Variants in CCSER2 observed in about 807,000 individuals in gnomAD.
CCSER2 encodes the protein coiled-coil serine rich protein 2, also known as serine-rich coiled-coil domain-containing protein 2.
A neutral mutation model predicts 92.3 loss-of-function variants in CCSER2; 46 were observed. That is an observed-to-expected ratio of 0.50 (90% CI 0.39 to 0.64). CCSER2 has a LOEUF of 0.64. CCSER2 is among the 30% of genes least tolerant of loss of function. CCSER2 has a pLI of 0.00. For missense variants in CCSER2, 1,244 were observed against 1,238.9 expected (o/e 1.00, Z -0.06); for synonymous variants, 433 against 431.4 (o/e 1.00, Z -0.04).
chr10:84,363,596 T>C (rs1238814311), intron 1 of CCSER2, among the ~76,000 whole-genome samples: 1 of 152,130 alleles, frequency 6.6e-6, no homozygotes, highest in Non-Finnish European at 1.5e-5. Flanking sequence ...TTTGAAAAAC[T>C]AAAAAAAGAC....
In CCSER2 at chr10:84,516,936, A is replaced by G. The variant is rs1162352724; in HGVS notation, c.*2669A>G. ...CCTGCAGTTTTCATTAAAAACTGCA[A>G]GAATATCATGCTTGTCTGCTTCTTA... On this transcript the variant is annotated 3_prime_UTR_variant, in exon 10 of 10. Transcript: ENST00000372088. The G allele has an allele frequency of 1.3e-5, 2 of 152,218 alleles. No individual in the cohort carries two copies. The highest frequency in any genetic ancestry group is 3.8e-4 in the East Asian group (2 of 5,200). The allele number at this position is 152,218 out of a possible 1,614,324, so 9.4% of individuals were successfully genotyped here. A position where few individuals can be genotyped will look rare whatever the true frequency, so the allele number is the denominator to read the frequency against.
At chr10:84,339,961 C>T (rs895592983) in intron 1 of CCSER2, among the ~76,000 whole-genome samples, 1 of 152,170 alleles carries the variant, frequency 6.6e-6, no homozygotes, top group Non-Finnish European at 1.5e-5. Flanking sequence ...CCTGACTCAG[C>T]TTCCCGAGTA....
intron 9 of CCSER2, among the ~76,000 whole-genome samples, chr10:84,495,266 T>G (rs1848388655): frequency 6.6e-6 from 1 of 152,042 alleles, no homozygotes; most frequent in Non-Finnish European, 1.5e-5. Flanking sequence ...TTTGGACATA[T>G]TCTTGTCATC....
At chr10:84,505,422 C>G (rs1848988787) in intron 9 of CCSER2, among the ~76,000 whole-genome samples, 1 of 152,046 alleles carries the variant, frequency 6.6e-6, no homozygotes, top group African/African-American at 2.4e-5. Context: ...GTTGAATTGT[C>G]AAACATGCTC....
intron 1 of CCSER2, among the ~76,000 whole-genome samples, chr10:84,360,100 A>C (rs918260310): frequency 6.6e-6 from 1 of 152,170 alleles, no homozygotes. Context: ...GGTGTGAGCC[A>C]CTGTGCCTGG....
At chr10:84,354,159 A>G (rs1270682758) in intron 1 of CCSER2, among the ~76,000 whole-genome samples, 14 of 152,034 alleles carry the variant, frequency 9.2e-5, no homozygotes, top group Non-Finnish European at 1.8e-4. Flanking sequence ...TGTTTGCACT[A>G]CTTCACTCCT....
rs869280119 is a variant in CCSER2 at position 84,441,736 on chromosome 10, G to GTTTTTT, written c.2064+3064_2064+3069dup. Among the ~76,000 whole-genome samples the GTTTTTT allele has an allele frequency of 6.0e-4, 26 of 43,634 alleles. 3 individuals are homozygous for GTTTTTT. The highest frequency in any genetic ancestry group is 1.2e-3 in the East Asian group (1 of 866). 28.6% of individuals were successfully genotyped at this position (43,634 alleles called of 152,430 possible). A position where few individuals can be genotyped will look rare whatever the true frequency, so the allele number is the denominator to read the frequency against. On this transcript the variant is annotated intron_variant, in intron 6 of 9. Coordinates refer to ENST00000372088, the MANE Select transcript of CCSER2 (RefSeq NM_001284240.2). ...GAATAAAGTAGAAGACTGGGAAAAT[G>GTTTTTT]TTTTTTTTTTTTTTTTTTTTTTTTT...
At chr10:84,383,631 T>C (rs1841036547) in intron 3 of CCSER2, among the ~76,000 whole-genome samples, 1 of 152,206 alleles carries the variant, frequency 6.6e-6, no homozygotes, top group South Asian at 2.1e-4. Context: ...TTCTTTCTAA[T>C]GTGTATTCAC....
At chr10:84,500,746 G>A (rs898763978) in intron 9 of CCSER2, among the ~76,000 whole-genome samples, 34 of 152,264 alleles carry the variant, frequency 2.2e-4, no homozygotes, top group African/African-American at 8.2e-4. Flanking sequence ...TGTAAATACA[G>A]TCAATCAGAG....
At chr10:84,338,471 A>G (rs568367121) in intron 1 of CCSER2, among the ~76,000 whole-genome samples, 2 of 152,256 alleles carry the variant, frequency 1.3e-5, no homozygotes, top group East Asian at 3.9e-4. Flanking sequence ...TGTAGTTAAC[A>G]AAATGTTTCA....
chr10:84,474,100 T>G (rs745636545), intron 8 of CCSER2, among the ~76,000 whole-genome samples: 1 of 152,242 alleles, frequency 6.6e-6, no homozygotes, highest in Non-Finnish European at 1.5e-5. Context: ...AATGCCTGTT[T>G]ATCTTTACTA....
In CCSER2 at chr10:84,515,438, TG is replaced by T. The variant is rs1849564995; in HGVS notation, c.*1172del. On this transcript the variant is annotated 3_prime_UTR_variant, in exon 10 of 10. Coordinates refer to ENST00000372088, the MANE Select transcript of CCSER2 (RefSeq NM_001284240.2). ...CTAGGTTTCCCTTTTCTGTGTTTTT[TG>T]TTTTTTTCTGTTTGTTTTTTGAGAC... 2 of 152,126 alleles carry T rather than the reference TG, an allele frequency of 1.3e-5. No homozygotes were observed. Among genetic ancestry groups the T allele is most frequent in the South Asian group, 4.1e-4 (2 of 4,822 alleles). 9.4% of individuals were successfully genotyped at this position (152,126 alleles called of 1,614,324 possible).
At chr10:84,390,100 A>T (rs1012463169) in intron 3 of CCSER2, among the ~76,000 whole-genome samples, 1 of 152,116 alleles carries the variant, frequency 6.6e-6, no homozygotes. Context: ...ACTTCCACAC[A>T]CATGTATCAA....
At position 84,513,624 on chromosome 10, in the gene CCSER2, A is replaced by G. The variant is rs1264834374; in HGVS notation, c.2501A>G (p.Tyr834Cys). 5.0e-6 allele frequency: 8 copies of G among 1,606,420 alleles called. No homozygotes were observed. The highest frequency in any genetic ancestry group is 1.3e-5 in the African/African-American group (1 of 74,886). Residue 834 changes from tyrosine (Y) to cysteine (C), a missense_variant, in exon 10 of 10, where the codon TAT (tyrosine) becomes TGT (cysteine). Transcript: ENST00000372088. ...CACGTCTTGCACCAAGAAAGCAACT[A>G]TGGTTTGGAAGAGCAGCCTTTTTCA... is the stretch of plus-strand genomic sequence containing the variant. The part of the protein sequence containing the change: ...FTHVLHQESN[Y>C]GLEEQPFSSG...
intron 8 of CCSER2, among the ~76,000 whole-genome samples, chr10:84,476,484 A>G (rs1181647472): frequency 1.1e-4 from 12 of 112,662 alleles, no homozygotes; most frequent in African/African-American, 4.3e-4. Flanking sequence ...TCCCTCTGTC[A>G]CCCAGGCTGG....
intron 1 of CCSER2, among the ~76,000 whole-genome samples, chr10:84,332,133 C>T (rs907161568): frequency 2.0e-5 from 3 of 152,058 alleles, no homozygotes; most frequent in African/African-American, 7.2e-5. Context: ...CCATTTCTAT[C>T]ATACTTTATA....
At chr10:84,406,375 T>G (rs1842377483) in intron 3 of CCSER2, among the ~76,000 whole-genome samples, 1 of 152,178 alleles carries the variant, frequency 6.6e-6, no homozygotes, top group South Asian at 2.1e-4. Flanking sequence ...GCTTTAAAAT[T>G]TATAAACTAT....
At chr10:84,409,532 G>T (rs1053827410) in intron 3 of CCSER2, among the ~76,000 whole-genome samples, 24 of 150,926 alleles carry the variant, frequency 1.6e-4, no homozygotes, top group Admixed American at 1.1e-3. Flanking sequence ...TCATAAAATG[G>T]TTAATTCTGT....
intron 1 of CCSER2, among the ~76,000 whole-genome samples, chr10:84,353,391 A>T (rs1462638375): frequency 6.6e-6 from 1 of 152,220 alleles, no homozygotes; most frequent in Non-Finnish European, 1.5e-5. Context: ...TCTGTGCTAG[A>T]TGCTGAGTAT....
Sources: allele counts gnomAD v4.1 joint callset (sites outside exome capture counted in the v4.1 genomes callset), GRCh38; gene constraint gnomAD v4.1.1; transcripts MANE v1.5; gene names NCBI Gene and HGNC (gene_info 2026-07-23, HGNC 2026-07-21).